The following KIAA1958 variants were observed in gnomAD, a reference collection of about 807,000 sequenced individuals.
KIAA1958 encodes uncharacterized protein KIAA1958.
In KIAA1958, 14 loss-of-function variants were observed where a neutral mutation model predicts 47.2. That is an observed-to-expected ratio of 0.30 (90% confidence interval 0.20 to 0.46). KIAA1958 has a LOEUF of 0.46. Ranked by LOEUF, KIAA1958 falls within the 20% of genes least tolerant of loss-of-function variation. The probability of loss-of-function intolerance (pLI) is 1.00; values close to 1 mark genes in which losing one functional copy is unlikely to be tolerated. For synonymous variants in KIAA1958, 354 were observed against 353.3 expected (o/e 1.00, Z -0.02); for missense variants, 803 against 909.2 (o/e 0.88, Z 1.50).
At position 112,658,803 on chromosome 9, in the gene KIAA1958, C is replaced by CA. The variant is rs202020985; in HGVS notation, c.1345-454dup. 6.0e-3 allele frequency among the ~76,000 whole-genome samples: 893 copies of CA among 148,890 alleles called. 13 individuals carry two copies. The highest frequency in any genetic ancestry group is 6.9e-3 in the Non-Finnish European group (464 of 67,674). On this transcript the variant is annotated intron_variant, in intron 3 of 3. Coordinates refer to ENST00000337530, the MANE Select transcript of KIAA1958 (RefSeq NM_133465.4). ...TGAAACCCCATCTCTACAAAAAATA[C>CA]AAAAAATTAGATCGAGACCATCCTG...
intron 2 of KIAA1958, among the ~76,000 whole-genome samples, chr9:112,611,838 T>G (rs1402497562): frequency 6.6e-6 from 1 of 152,008 alleles, no homozygotes; most frequent in Non-Finnish European, 1.5e-5. Flanking sequence ...TAAGACAAAT[T>G]TTTATTATAC....
chr9:112,488,775 T>G (rs1681775870), intron 1 of KIAA1958, among the ~76,000 whole-genome samples: 1 of 152,232 alleles, frequency 6.6e-6, no homozygotes, highest in South Asian at 2.1e-4. Flanking sequence ...TAATGCACTT[T>G]TTTAAAGACA....
At chr9:112,551,952 T>C (rs912418490) in intron 1 of KIAA1958, among the ~76,000 whole-genome samples, 1 of 152,230 alleles carries the variant, frequency 6.6e-6, no homozygotes, top group African/African-American at 2.4e-5. Context: ...ATAGTTCCAG[T>C]TTATGTTCAT....
intron 2 of KIAA1958, among the ~76,000 whole-genome samples, chr9:112,619,901 A>AT (rs1362727528): frequency 6.6e-6 from 1 of 152,152 alleles, no homozygotes; most frequent in African/African-American, 2.4e-5. Context: ...TCCCTGAATT[A>AT]TTTACTTAGA....
chr9:112,505,482 A>T (rs543164827), intron 1 of KIAA1958, among the ~76,000 whole-genome samples: 1 of 152,380 alleles, frequency 6.6e-6, no homozygotes, highest in South Asian at 2.1e-4. Context: ...AGAAGAGAGT[A>T]TATTTGAACG....
At chr9:112,590,537 A>G (rs1473399119) in intron 2 of KIAA1958, among the ~76,000 whole-genome samples, 12 of 151,944 alleles carry the variant, frequency 7.9e-5, no homozygotes, top group Non-Finnish European at 1.6e-4. Flanking sequence ...TTTTTAGTAG[A>G]GACAGGGTTT....
At chr9:112,609,577 G>A (rs1836288931) in intron 2 of KIAA1958, among the ~76,000 whole-genome samples, 1 of 151,976 alleles carries the variant, frequency 6.6e-6, no homozygotes, top group South Asian at 2.1e-4. Flanking sequence ...TTTGAGATAG[G>A]GTCTCGCTTT....
chr9:112,591,196 G>A (rs1835913265), intron 2 of KIAA1958, among the ~76,000 whole-genome samples: 1 of 152,080 alleles, frequency 6.6e-6, no homozygotes, highest in Non-Finnish European at 1.5e-5. Flanking sequence ...CCATTCTCCT[G>A]CCTCAGCCTC....
intron 2 of KIAA1958, among the ~76,000 whole-genome samples, chr9:112,575,753 C>T (rs138967174): frequency 6.6e-6 from 1 of 152,180 alleles, no homozygotes; most frequent in East Asian, 1.9e-4. Context: ...AAGCAATGTA[C>T]ATTTCTAAAA....
intron 2 of KIAA1958, among the ~76,000 whole-genome samples, chr9:112,590,957 T>A (rs756021543): frequency 1.3e-5 from 2 of 152,182 alleles, no homozygotes; most frequent in Non-Finnish European, 2.9e-5. Context: ...GCATTATAAT[T>A]TTGAAGGTGA....
At chr9:112,580,403 T>A (rs1835715954) in intron 2 of KIAA1958, among the ~76,000 whole-genome samples, 1 of 152,130 alleles carries the variant, frequency 6.6e-6, no homozygotes. Flanking sequence ...TGCTTGTGTA[T>A]ACATACATAT....
At chr9:112,616,359 C>T (rs1036693000) in intron 2 of KIAA1958, among the ~76,000 whole-genome samples, 2 of 152,044 alleles carry the variant, frequency 1.3e-5, no homozygotes, top group African/African-American at 4.8e-5. Flanking sequence ...AATAATGCCC[C>T]ATGATTGTCA....
intron 1 of KIAA1958, among the ~76,000 whole-genome samples, chr9:112,537,026 G>A (rs1045413665): frequency 8.5e-5 from 13 of 152,122 alleles, no homozygotes; most frequent in African/African-American, 3.1e-4. Context: ...AGTAAGAAGA[G>A]TGAAAAGCAA....
At chr9:112,560,868 G>C (rs189699034) in intron 1 of KIAA1958, among the ~76,000 whole-genome samples, 10 of 152,162 alleles carry the variant, frequency 6.6e-5, no homozygotes, top group Admixed American at 6.5e-4. Flanking sequence ...AGGACTTTTG[G>C]TTGTGCTTTT....
intron 1 of KIAA1958, among the ~76,000 whole-genome samples, chr9:112,495,445 C>T (rs1834037164): frequency 6.6e-6 from 1 of 152,034 alleles, no homozygotes; most frequent in African/African-American, 2.4e-5. Context: ...AAAATATGGC[C>T]ACTCAATTAA....
chr9:112,610,507 T>C (rs1408029497), intron 2 of KIAA1958, among the ~76,000 whole-genome samples: 1 of 151,788 alleles, frequency 6.6e-6, no homozygotes, highest in Non-Finnish European at 1.5e-5. Flanking sequence ...TAAATGAAAA[T>C]GAGAAGTAAT....
At chr9:112,576,015 ACGT>A (rs1272420784) in intron 2 of KIAA1958, among the ~76,000 whole-genome samples, 2 of 152,198 alleles carry the variant, frequency 1.3e-5, no homozygotes, top group Non-Finnish European at 2.9e-5. Context: ...TAGAATAGAA[ACGT>A]GGACAAGGAT....
chr9:112,525,076 T>C (rs558803676), intron 1 of KIAA1958, among the ~76,000 whole-genome samples: 1 of 152,314 alleles, frequency 6.6e-6, no homozygotes, highest in South Asian at 2.1e-4. Flanking sequence ...TCTAAACCAG[T>C]TGATTTACCA....
intron 3 of KIAA1958, among the ~76,000 whole-genome samples, chr9:112,655,266 G>A (rs1457409596): frequency 6.6e-6 from 1 of 152,036 alleles, no homozygotes; most frequent in Admixed American, 6.5e-5. Flanking sequence ...AAATATTTAT[G>A]AAGATGGAGT....
Sources: gnomAD v4.1 joint callset for allele counts (sites outside exome capture counted in the v4.1 genomes callset) on GRCh38, gnomAD v4.1.1 for gene constraint, MANE v1.5 for transcripts, NCBI Gene and HGNC (gene_info 2026-07-23, HGNC 2026-07-21) for gene names.